ARHGAP26: variants seen among roughly 807,000 people sequenced by gnomAD.
ARHGAP26 encodes the protein rho GTPase-activating protein 26.
Under a neutral mutation model 104.8 loss-of-function variants are expected in ARHGAP26, and 38 were observed. The ratio of observed to expected loss-of-function variants is 0.36; its 90% CI spans 0.28 to 0.48. The LOEUF (loss-of-function observed/expected upper bound fraction) is 0.48. ARHGAP26 is among the 20% of genes least tolerant of loss of function. ARHGAP26 has a pLI of 0.99. For synonymous variants in ARHGAP26, 341 were observed against 340.0 expected (o/e 1.00, Z -0.03); for missense variants, 704 against 947.9 (o/e 0.74, Z 3.38).
intron 11 of ARHGAP26, among the ~76,000 whole-genome samples, chr5:142,937,533 G>T (rs1765609580): frequency 6.6e-6 from 1 of 152,202 alleles, no homozygotes; most frequent in Admixed American, 6.5e-5. Flanking sequence ...CACAGCAATT[G>T]CTCTGGGGCA....
intron 1 of ARHGAP26, among the ~76,000 whole-genome samples, chr5:142,838,162 G>A (rs1769977515): frequency 6.6e-6 from 1 of 152,078 alleles, no homozygotes; most frequent in African/African-American, 2.4e-5. Flanking sequence ...GGAGGCTGAG[G>A]CAGGAGAATT....
intron 20 of ARHGAP26, among the ~76,000 whole-genome samples, chr5:143,192,042 C>A (rs1184682107): frequency 6.6e-6 from 1 of 152,184 alleles, no homozygotes; most frequent in African/African-American, 2.4e-5. Context: ...TTTACTTGAT[C>A]CTGTGGAGTC....
At chr5:142,967,528 T>C (rs1388758051) in intron 11 of ARHGAP26, among the ~76,000 whole-genome samples, 4 of 152,196 alleles carry the variant, frequency 2.6e-5, no homozygotes, top group Non-Finnish European at 5.9e-5. Context: ...ACGCCTGTAA[T>C]CCCAGCACTT....
intron 10 of ARHGAP26, 47 bp from the exon 11 acceptor site, chr5:142,932,000 C>T: frequency 6.4e-7 from 1 of 1,561,786 alleles, no homozygotes. Context: ...ACCAATCTCT[C>T]TACATGTGGC....
chr5:142,803,023 C>T (rs1386404078), intron 1 of ARHGAP26, among the ~76,000 whole-genome samples: 1 of 152,210 alleles, frequency 6.6e-6, no homozygotes, highest in Admixed American at 6.5e-5. Flanking sequence ...GGGGAGATAC[C>T]CCTTAATCCA....
In ARHGAP26 at chr5:142,963,172, GTATA is replaced by G. The variant is rs58576577; in HGVS notation, c.1107+31071_1107+31074del. Among the ~76,000 whole-genome samples the G allele has an allele frequency of 6.5e-4, 58 of 89,040 alleles. 1 individual carries two copies. The highest frequency in any genetic ancestry group is 5.4e-3 in the Middle Eastern group (1 of 186). 58.4% of individuals were successfully genotyped at this position (89,040 alleles called of 152,430 possible). ...CTGTGTAGTATTCCATGGTATATAT[GTATA>G]TATATATATATATATATATATATGT... is the stretch of plus-strand genomic sequence containing the variant. On this transcript the variant is annotated intron_variant, in intron 11 of 22. Transcript: ENST00000645722.
chr5:143,033,593 T>C (rs537802670), intron 12 of ARHGAP26, among the ~76,000 whole-genome samples: 8 of 152,330 alleles, frequency 5.3e-5, no homozygotes, highest in African/African-American at 1.9e-4. Context: ...TGTCAGATGC[T>C]AGGTTCTTTT....
intron 22 of ARHGAP26, 75 bp from the exon 23 acceptor site, chr5:143,222,283 A>ACACC (rs1811306787): frequency 4.6e-6 from 4 of 861,458 alleles, no homozygotes; most frequent in African/African-American, 1.8e-5. Context: ...ACACACACAC[A>ACACC]CCCCACACAC....
chr5:143,222,302 C>T (rs186968306), intron 22 of ARHGAP26, 56 bp from the exon 23 acceptor site: 369 of 1,314,452 alleles, frequency 2.8e-4, no homozygotes, highest in Non-Finnish European at 3.5e-4. Context: ...ACACATCTGC[C>T]GCCTGCTCTA....
At chr5:142,918,401 C>T (rs1475999409) in intron 10 of ARHGAP26, among the ~76,000 whole-genome samples, 2 of 152,222 alleles carry the variant, frequency 1.3e-5, no homozygotes, top group Non-Finnish European at 2.9e-5. Flanking sequence ...CCTGCCTCGG[C>T]CTCCCGAAGT....
intron 11 of ARHGAP26, among the ~76,000 whole-genome samples, chr5:143,000,507 A>C (rs755282541): frequency 5.9e-5 from 9 of 152,270 alleles, no homozygotes; most frequent in African/African-American, 2.2e-4. Context: ...TGCTGAGTGC[A>C]ATCCCATTAC....
At chr5:142,818,232 A>AG (rs1597758733) in intron 1 of ARHGAP26, among the ~76,000 whole-genome samples, 2 of 150,704 alleles carry the variant, frequency 1.3e-5, no homozygotes, top group South Asian at 2.1e-4. Flanking sequence ...AAAAAAAAAA[A>AG]GTCACTCTGG....
In ARHGAP26 at chr5:142,948,268, G is replaced by A. The variant is rs947986489; in HGVS notation, c.1107+16143G>A. Among the ~76,000 whole-genome samples the A allele has an allele frequency of 2.0e-5, 3 of 152,116 alleles. No individual in the cohort carries two copies. The East Asian group carries it at 5.8e-4, about 29-fold the overall frequency. On this transcript the variant is annotated intron_variant, in intron 11 of 22. Coordinates refer to ENST00000645722, the MANE Select transcript of ARHGAP26 (RefSeq NM_001135608.3). ...ATTAGAGCCCAGGGATCAGGAATTG[G>A]TTGGGAAGTTTGTAACACTGTCTCT...
chr5:143,201,414 A>G (rs1007544161), intron 20 of ARHGAP26, among the ~76,000 whole-genome samples: 2 of 152,224 alleles, frequency 1.3e-5, no homozygotes, highest in Admixed American at 6.5e-5. Context: ...TTAGTGGGAA[A>G]GGGGTTGCAA....
At chr5:142,822,409 A>G (rs988851970) in intron 1 of ARHGAP26, among the ~76,000 whole-genome samples, 2 of 152,174 alleles carry the variant, frequency 1.3e-5, no homozygotes, top group African/African-American at 4.8e-5. Flanking sequence ...CCTCCAGTTA[A>G]TGCTGAACTT....
rs78439501 is a variant in ARHGAP26 at position 142,928,234 on chromosome 5, T to G, written c.1029-3813T>G. The stretch of plus-strand genomic sequence containing the variant: ...TTAGGACTTTTTGTGTGTGTGTGTT[T>G]TTTTTTTTTTTTTTAAAACTCATTG... On this transcript the variant is annotated intron_variant, in intron 10 of 22. Transcript: ENST00000645722. Among the ~76,000 whole-genome samples the G allele has an allele frequency of 8.5e-4, 104 of 121,950 alleles. 1 individual carries two copies. In the East Asian group the frequency reaches 0.025, roughly 29 times the overall value. 80.0% of individuals were successfully genotyped at this position (121,950 alleles called of 152,430 possible). A position where few individuals can be genotyped will look rare whatever the true frequency, so the allele number is the denominator to read the frequency against.
chr5:143,214,056 T>C lies in ARHGAP26; in HGVS notation c.2159T>C (p.Leu720Pro). The change falls in exon 22 of 23, where the codon CTT (leucine) becomes CCT (proline). Residue 720 changes from leucine (L) to proline (P), a missense_variant. This residue lies in a region of ARHGAP26 where 217 missense variants were observed against 242.6 expected (regional missense o/e 0.89). Coordinates refer to ENST00000645722, the MANE Select transcript of ARHGAP26 (RefSeq NM_001135608.3). ...YACKAEHDSE[L>P]SFTAGTVFDN... is the part of the protein sequence containing the mutation. ...TGCAAAGCTGAACATGACTCAGAAC[T>C]TTCGTTCACAGCAGGCACGGTCTTC... The C allele has an allele frequency of 6.4e-7, 1 of 1,573,284 alleles. No homozygotes were observed. The highest frequency in any genetic ancestry group is 8.7e-7 in the Non-Finnish European group (1 of 1,155,778).
At chr5:143,012,799 G>A (rs1312536026) in intron 11 of ARHGAP26, among the ~76,000 whole-genome samples, 1 of 150,082 alleles carries the variant, frequency 6.7e-6, no homozygotes, top group Non-Finnish European at 1.5e-5. Flanking sequence ...GACTACAGGC[G>A]CCCGCCACCA....
chr5:142,912,434 G>A (rs115702281), intron 9 of ARHGAP26, among the ~76,000 whole-genome samples: 2 of 152,166 alleles, frequency 1.3e-5, no homozygotes, highest in African/African-American at 4.8e-5. Context: ...ATTGCCAGGG[G>A]ATACAAGGAA....
Sources: allele counts gnomAD v4.1 joint callset (sites outside exome capture counted in the v4.1 genomes callset), GRCh38; gene constraint gnomAD v4.1.1; regional missense constraint gnomAD v4.1.1; transcripts MANE v1.5; gene names NCBI Gene and HGNC (gene_info 2026-07-23, HGNC 2026-07-21).